PAXIP1: variants seen among roughly 807,000 people sequenced by gnomAD.
PAXIP1 encodes the protein PAX-interacting protein 1.
In PAXIP1, 19 loss-of-function variants were observed where a neutral mutation model predicts 140.6. The observed-to-expected ratio is 0.14, with a 90% confidence interval of 0.09 to 0.20. The LOEUF is 0.20. Among genes scored for constraint, PAXIP1 ranks in the 10% least tolerant of loss-of-function variants. The pLI is 1.00. For missense variants in PAXIP1, 920 were observed against 1,208.6 expected, an observed-to-expected ratio of 0.76 and a Z score of 3.54; for synonymous variants, 442 against 444.6, an observed-to-expected ratio of 0.99 and a Z score of 0.07.
At chr7:154,981,252 C>T (rs1404790110) in intron 5 of PAXIP1, among the ~76,000 whole-genome samples, 1 of 152,180 alleles carries the variant, frequency 6.6e-6, no homozygotes, top group Non-Finnish European at 1.5e-5. Context: ...GCAAGCAGCA[C>T]TGTACTGGCA....
At chr7:155,002,394 C>T (rs905095568) in intron 1 of PAXIP1, among the ~76,000 whole-genome samples, 1 of 152,060 alleles carries the variant, frequency 6.6e-6, no homozygotes, top group South Asian at 2.1e-4. Context: ...GCCGGCCGAG[C>T]GAGGCTGGGG....
chr7:154,949,337 A>C (rs907548144), intron 16 of PAXIP1: 1 of 152,214 alleles, frequency 6.6e-6, no homozygotes, highest in Non-Finnish European at 1.5e-5. Flanking sequence ...AGGAGCAACC[A>C]CATCATGACA....
At chr7:154,993,850 TA>T in intron 2 of PAXIP1, 81 bp from the exon 3 acceptor site, 2 of 1,020,800 alleles carry the variant, frequency 2.0e-6, no homozygotes, top group Non-Finnish European at 2.9e-6. Flanking sequence ...TCTTAGAAAT[TA>T]AAAGTCTCTG....
chr7:154,948,095 A>G, intron 16 of PAXIP1, 92 bp from the exon 17 acceptor site: 1 of 797,928 alleles, frequency 1.3e-6, no homozygotes, highest in South Asian at 1.3e-5. Context: ...ATTCAGGTAC[A>G]TAATATTACA....
At chr7:154,947,873 G>A in intron 17 of PAXIP1, 30 bp downstream of exon 17, 1 of 1,460,402 alleles carries the variant, frequency 6.8e-7, no homozygotes, top group Non-Finnish European at 9.6e-7. Flanking sequence ...ATGCTTACTT[G>A]GACTGATTTA....
chr7:154,947,802 C>A, intron 17 of PAXIP1, 101 bp downstream of exon 17: 1 of 846,948 alleles, frequency 1.2e-6, no homozygotes, highest in Non-Finnish European at 2.1e-6. Context: ...GAGCCCAGCT[C>A]CCCTGGAGGC....
chr7:154,948,554 A>C (rs1808107823), intron 16 of PAXIP1: 1 of 151,690 alleles, frequency 6.6e-6, no homozygotes, highest in South Asian at 2.1e-4. Context: ...TCTCAAAATA[A>C]TAGTAATTTT....
chr7:154,986,269 T>C lies in PAXIP1; in HGVS notation c.325-2937A>G, dbSNP rs983727418. 3.3e-6 allele frequency: 3 copies of C among 910,342 alleles called. No individual in the cohort carries two copies. In the African/African-American group the frequency reaches 5.3e-5, roughly 16 times the overall value. The allele number at this position is 910,342 out of a possible 1,614,324, so 56.4% of individuals were successfully genotyped here. A position where few individuals can be genotyped will look rare whatever the true frequency, so the allele number is the denominator to read the frequency against. On this transcript the variant is annotated intron_variant, in intron 4 of 20. Coordinates refer to ENST00000404141, the MANE Select transcript of PAXIP1 (RefSeq NM_007349.4). This position sits in a 1 kb window ranked among gnomAD's most constrained non-coding sequence, Gnocchi z 4.8. ...GTCCTGCCTGGCGTGTGCATGTGAGTGTGTGTGCGCATGGGTGCTCCAGTG... is the reference window on the plus strand; with the variant it reads ...GTCCTGCCTGGCGTGTGCATGTGAGCGTGTGTGCGCATGGGTGCTCCAGTG...
rs749788206 is a variant in PAXIP1, at chr7:154,990,037, C to CTTT, written c.324+966_324+968dup. 9.3e-3 allele frequency among the ~76,000 whole-genome samples: 1,019 copies of CTTT among 109,834 alleles called. 18 individuals carry two copies. Among genetic ancestry groups the CTTT allele is most frequent in the Non-Finnish European group, 0.011 (634 of 55,896 alleles). The allele number at this position is 109,834 out of a possible 152,430, so 72.1% of individuals were successfully genotyped here. A position where few individuals can be genotyped will look rare whatever the true frequency, so the allele number is the denominator to read the frequency against. ...TTCTATCGACTTGGGATAAGTTTCT[C>CTTT]TTTTTTTTTTTTTTTTTTTTTGAGA... On this transcript the variant is annotated intron_variant, in intron 4 of 20. Coordinates refer to ENST00000404141, the MANE Select transcript of PAXIP1 (RefSeq NM_007349.4).
chr7:154,991,208 A>C, intron 3 of PAXIP1, 139 bp from the exon 4 acceptor site: 1 of 500,044 alleles, frequency 2.0e-6, no homozygotes, highest in Non-Finnish European at 3.5e-6. Context: ...AGAAGAGTAC[A>C]GGGCAGAGTG....
At chr7:154,962,479 G>C (rs201024766) in intron 9 of PAXIP1, 21 bp from the exon 10 acceptor site, 2 of 1,597,290 alleles carry the variant, frequency 1.3e-6, no homozygotes, top group Non-Finnish European at 8.6e-7. Flanking sequence ...TAAAATTATA[G>C]GTTTGTTGTT....
At chr7:154,945,686 C>T (rs1232235769) in intron 20 of PAXIP1, 1 of 985,274 alleles carries the variant, frequency 1.0e-6, no homozygotes, top group Non-Finnish European at 1.2e-6. Flanking sequence ...AGAGAAGGTG[C>T]TCTGCAATGG....
At chr7:154,998,401 A>T (rs1401095144) in intron 2 of PAXIP1, among the ~76,000 whole-genome samples, 1 of 152,106 alleles carries the variant, frequency 6.6e-6, no homozygotes, top group Non-Finnish European at 1.5e-5. Context: ...CCAGCTACTC[A>T]GGAGGCTGAG....
chr7:154,981,818 A>T (rs140940353), intron 5 of PAXIP1, among the ~76,000 whole-genome samples: 1 of 152,192 alleles, frequency 6.6e-6, no homozygotes, highest in African/African-American at 2.4e-5. Flanking sequence ...TTTTAGCTAT[A>T]CACTTAAAAA....
At chr7:154,993,266 A>C (rs1810430909) in intron 3 of PAXIP1, among the ~76,000 whole-genome samples, 1 of 152,130 alleles carries the variant, frequency 6.6e-6, no homozygotes, top group South Asian at 2.1e-4. Context: ...TCACCCCTCT[A>C]TTTTCAGTAC....
At chr7:154,999,137 T>TA (rs1810774192) in intron 1 of PAXIP1, among the ~76,000 whole-genome samples, 1 of 152,160 alleles carries the variant, frequency 6.6e-6, no homozygotes, top group African/African-American at 2.4e-5. Context: ...GCTTCCAACT[T>TA]AAAGACTGGG....
chr7:154,968,048 G>GT, intron 7 of PAXIP1, 138 bp from the exon 8 acceptor site: 1 of 618,916 alleles, frequency 1.6e-6, no homozygotes, highest in Admixed American at 3.0e-5. Context: ...AGTAATCAGA[G>GT]TGCATAGGGA....
intron 5 of PAXIP1, among the ~76,000 whole-genome samples, chr7:154,979,805 G>A (rs1308565436): frequency 3.9e-5 from 6 of 152,150 alleles, no homozygotes; most frequent in South Asian, 2.1e-4. Flanking sequence ...GGGAAGAGGC[G>A]AGGTGAGGCA....
intron 2 of PAXIP1, among the ~76,000 whole-genome samples, chr7:154,996,677 G>A (rs573850590): frequency 6.6e-6 from 1 of 152,310 alleles, no homozygotes; most frequent in South Asian, 2.1e-4. Flanking sequence ...CAGCAGCCAT[G>A]CCCAAGTGTT....
Sources: allele counts gnomAD v4.1 joint callset (sites outside exome capture counted in the v4.1 genomes callset), GRCh38; gene constraint gnomAD v4.1.1; non-coding constraint Gnocchi (gnomAD v3.1); transcripts MANE v1.5; gene names NCBI Gene and HGNC (gene_info 2026-07-23, HGNC 2026-07-21).